Variants in PCDHGB2 observed in about 807,000 individuals in gnomAD.
PCDHGB2 encodes the protein protocadherin gamma subfamily B, 2, also known as protocadherin gamma-B2.
A neutral mutation model predicts 59.3 loss-of-function variants in PCDHGB2; 55 were observed. The observed-to-expected ratio is 0.93, with a 90% confidence interval of 0.75 to 1.16. The LOEUF (loss-of-function observed/expected upper bound fraction) is 1.16. PCDHGB2 is among the 50% of genes most tolerant of loss of function. The pLI, the probability that PCDHGB2 is intolerant of heterozygous loss-of-function variation, is 0.00. For missense variants in PCDHGB2, 1,228 were observed against 1,198.5 expected, an observed-to-expected ratio of 1.02 and a Z score of -0.36; for synonymous variants, 516 against 512.0, an observed-to-expected ratio of 1.01 and a Z score of -0.11.
chr5:141,431,114 G>T lies in PCDHGB2; in HGVS notation c.2422-63693G>T. On this transcript the variant is annotated intron_variant, in intron 1 of 3. Coordinates refer to ENST00000522605, the MANE Select transcript of PCDHGB2 (RefSeq NM_018923.3). This position sits in a 1 kb window ranked among gnomAD's most constrained non-coding sequence, Gnocchi z 4.8. The stretch of plus-strand genomic sequence containing the variant: ...GGAGGATAAAGTGAAAATATATGGA[G>T]TAGAAGTAGAAGTAAGGGACATTAA... 6.2e-7 allele frequency: 1 copy of T among 1,614,158 alleles called. No individual in the cohort carries two copies.
At position 141,427,625 on chromosome 5, in the gene PCDHGB2, T is replaced by G. The variant is rs150347956; in HGVS notation, c.2421+65069T>G. On this transcript the variant is annotated intron_variant, in intron 1 of 3. Coordinates refer to ENST00000522605, the MANE Select transcript of PCDHGB2 (RefSeq NM_018923.3). Reference sequence around the variant, plus strand: ...GCATTGGTGAAGTCAACGACAATGCTCCGGTTTTCCACCAAGTCTCCTACG... The same window carrying G: ...GCATTGGTGAAGTCAACGACAATGCGCCGGTTTTCCACCAAGTCTCCTACG... The G allele has an allele frequency of 2.7e-3, 1,907 of 699,068 alleles. 5 individuals are homozygous for G. The highest frequency in any genetic ancestry group is 4.1e-3 in the Non-Finnish European group (1,558 of 384,098). The allele number at this position is 699,068 out of a possible 1,614,324, so 43.3% of individuals were successfully genotyped here.
chr5:141,481,312 T>C (rs953898526), intron 1 of PCDHGB2, among the ~76,000 whole-genome samples: 1 of 152,200 alleles, frequency 6.6e-6, no homozygotes, highest in Non-Finnish European at 1.5e-5. Flanking sequence ...AAAACCTTCC[T>C]AAAGCACTAG....
intron 1 of PCDHGB2, among the ~76,000 whole-genome samples, chr5:141,460,183 CCA>C (rs561755067): frequency 7.2e-5 from 11 of 151,782 alleles, no homozygotes; most frequent in Non-Finnish European, 1.0e-4. Context: ...ATATTTTATC[CCA>C]GACTATGACT....
At chr5:141,426,231 C>A in intron 1 of PCDHGB2, 1 of 158,042 alleles carries the variant, frequency 6.3e-6, no homozygotes, top group Non-Finnish European at 1.4e-5. Flanking sequence ...ATTTTAAAAG[C>A]ACTTTGTGAA....
chr5:141,374,004 G>A (rs1770021331), intron 1 of PCDHGB2: 3 of 1,327,578 alleles, frequency 2.3e-6, no homozygotes, highest in African/African-American at 1.5e-5. Flanking sequence ...GACCTTCACC[G>A]CTATTTCTGA....
chr5:141,400,181 A>C, intron 1 of PCDHGB2: 3 of 1,614,034 alleles, frequency 1.9e-6, no homozygotes, highest in Non-Finnish European at 2.5e-6. Context: ...GCTGAGCTGC[A>C]GTTTTACCTA....
intron 1 of PCDHGB2, among the ~76,000 whole-genome samples, chr5:141,483,255 G>T (rs1383670642): frequency 1.3e-5 from 2 of 152,030 alleles, no homozygotes; most frequent in African/African-American, 2.4e-5. Context: ...ATATCATGAG[G>T]TTTTTTTGTT....
chr5:141,410,849 CTTT>C (rs759346998), intron 1 of PCDHGB2: 1,556 of 136,944 alleles, frequency 0.011, no homozygotes, highest in South Asian at 0.02. Flanking sequence ...TTGTCTTTGT[CTTT>C]TTTTTTTTTT....
intron 1 of PCDHGB2, chr5:141,392,963 G>C: frequency 6.2e-7 from 1 of 1,613,922 alleles, no homozygotes; most frequent in Non-Finnish European, 8.5e-7. Flanking sequence ...ATATCTCCAA[G>C]GACCTGGGGC....
intron 1 of PCDHGB2, chr5:141,393,251 G>T: frequency 5.6e-6 from 9 of 1,613,814 alleles, no homozygotes; most frequent in Non-Finnish European, 6.8e-6. Flanking sequence ...ACGAAATCGC[G>T]GTTCCTGGAG....
At chr5:141,428,618 T>C (rs554092834) in intron 1 of PCDHGB2, 1 of 206,012 alleles carries the variant, frequency 4.9e-6, no homozygotes, top group African/African-American at 2.3e-5. Context: ...AATAACAAGA[T>C]AAGCTCTAAC....
chr5:141,386,098 G>A (rs1384243905), intron 1 of PCDHGB2: 3 of 152,228 alleles, frequency 2.0e-5, no homozygotes, highest in Non-Finnish European at 4.4e-5. Flanking sequence ...GATGAAGTGT[G>A]TCTGTGGGCT....
intron 1 of PCDHGB2, among the ~76,000 whole-genome samples, chr5:141,401,860 A>G (rs2094201565): frequency 6.6e-6 from 1 of 152,182 alleles, no homozygotes. Flanking sequence ...TTAACCTTTC[A>G]GTAGTTTTCT....
At chr5:141,434,194 GTACT>G (rs527775432) in intron 1 of PCDHGB2, among the ~76,000 whole-genome samples, 169 of 152,308 alleles carry the variant, frequency 1.1e-3, no homozygotes, top group African/African-American at 3.9e-3. Flanking sequence ...TAATTCCAAT[GTACT>G]TACTTCTGTC....
At chr5:141,378,725 T>C (rs999480102) in intron 1 of PCDHGB2, 1 of 152,206 alleles carries the variant, frequency 6.6e-6, no homozygotes, top group Admixed American at 6.5e-5. Flanking sequence ...ATAGGAACTC[T>C]TTATTGAAAT....
intron 1 of PCDHGB2, among the ~76,000 whole-genome samples, chr5:141,373,410 C>A (rs1317795683): frequency 6.6e-6 from 1 of 152,216 alleles, no homozygotes; most frequent in Non-Finnish European, 1.5e-5. Flanking sequence ...GTAGTCCCAG[C>A]TACTCGGGAG....
chr5:141,431,974 CA>C lies in PCDHGB2; in HGVS notation c.2422-62832del, dbSNP rs1419355804. The C allele has an allele frequency of 1.2e-6, 2 of 1,614,174 alleles. No individual in the cohort carries two copies. The highest frequency in any genetic ancestry group is 1.3e-5 in the African/African-American group (1 of 75,058). On this transcript the variant is annotated intron_variant, in intron 1 of 3. Transcript: ENST00000522605. This position sits in a 1 kb window ranked among gnomAD's most constrained non-coding sequence, Gnocchi z 4.8. ...CTTACGGAAATTACTATAGTTTAGT[CA>C]CAGACATAGTCTTGGATAGGGAACA... is the stretch of plus-strand genomic sequence containing the variant.
At chr5:141,388,513 T>A in intron 1 of PCDHGB2, 2 of 1,613,840 alleles carry the variant, frequency 1.2e-6, no homozygotes, top group Non-Finnish European at 1.7e-6. Context: ...TCCTACCACT[T>A]GACTTTGACT....
chr5:141,477,258 C>A lies in PCDHGB2; in HGVS notation c.2422-17549C>A. ...TTGCTCAGTGTGACTGACCTGGATG[C>A]TGGCGAGAACGGGCTGGTGACCTGC... On this transcript the variant is annotated intron_variant, in intron 1 of 3. Coordinates refer to ENST00000522605, the MANE Select transcript of PCDHGB2 (RefSeq NM_018923.3). The surrounding 1 kb of genome is among the most constrained non-coding windows in gnomAD (Gnocchi z 4.9). 6.2e-7 allele frequency: 1 copy of A among 1,614,208 alleles called. No homozygotes were observed. Among genetic ancestry groups the A allele is most frequent in the Non-Finnish European group, 8.5e-7 (1 of 1,180,042 alleles).
Sources: allele counts gnomAD v4.1 joint callset (sites outside exome capture counted in the v4.1 genomes callset), GRCh38; gene constraint gnomAD v4.1.1; non-coding constraint Gnocchi (gnomAD v3.1); transcripts MANE v1.5; gene names NCBI Gene and HGNC (gene_info 2026-07-23, HGNC 2026-07-21).